Variants in IL16 observed in about 807,000 individuals in gnomAD.
IL16 encodes the protein pro-interleukin-16.
IL16 carries 67 observed loss-of-function variants against 110.1 expected under a neutral mutation model. The observed-to-expected ratio is 0.61, with a 90% confidence interval of 0.50 to 0.75. The LOEUF (loss-of-function observed/expected upper bound fraction) is 0.75. Ranked by LOEUF, IL16 falls within the 30% of genes least tolerant of loss-of-function variation. IL16 has a pLI of 0.00. For missense variants in IL16, 1,545 were observed against 1,655.0 expected (o/e 0.93, Z 1.15); for synonymous variants, 689 against 662.9 (o/e 1.04, Z -0.61).
At chr15:81,200,439 G>A (rs1044232356) in intron 1 of IL16, among the ~76,000 whole-genome samples, 7 of 151,902 alleles carry the variant, frequency 4.6e-5, no homozygotes, top group African/African-American at 9.7e-5. Context: ...GTGCAATCCC[G>A]GCTCACTGCA....
rs890394326 is a variant in IL16, at chr15:81,292,795, G to A, written c.1660G>A (p.Val554Met). ...PSLPLAREPVVLSIASSRLPQ... is the reference protein window; with the variant it reads ...PSLPLAREPVMLSIASSRLPQ... ...CTTGCCTCTGGCACGGGAGCCAGTG[G>A]TGCTTTCTATAGCATCCTCCAGGCT... The change falls in exon 12 of 19, where the codon GTG becomes ATG. Residue 554 changes from valine to methionine, a missense_variant. Around this residue, in one of 3 missense-constraint regions of IL16, gnomAD observed 1,185 missense variants for 1,238.8 expected, o/e 0.96. Transcript: ENST00000683961. 9 of 1,613,980 alleles carry A rather than the reference G, an allele frequency of 5.6e-6. No homozygotes were observed. The highest frequency in any genetic ancestry group is 4.0e-5 in the African/African-American group (3 of 74,910).
At chr15:81,288,447 T>C (rs951404606) in intron 10 of IL16, among the ~76,000 whole-genome samples, 1 of 152,244 alleles carries the variant, frequency 6.6e-6, no homozygotes, top group Non-Finnish European at 1.5e-5. Context: ...TTGTTGTTTA[T>C]TGTGGTAAAA....
chr15:81,284,984 T>C (rs1161832075), intron 9 of IL16, among the ~76,000 whole-genome samples: 1 of 152,188 alleles, frequency 6.6e-6, no homozygotes, highest in African/African-American at 2.4e-5. Flanking sequence ...CAGGGAAATC[T>C]ATTCAACCTC....
intron 2 of IL16, among the ~76,000 whole-genome samples, chr15:81,241,354 C>T (rs7172689): frequency 0.24 from 35,954 of 151,684 alleles, 4,928 homozygotes; most frequent in African/African-American, 0.37. Flanking sequence ...TTTGATACTG[C>T]ATTAAATTTG....
At chr15:81,208,857 C>A (rs1896131578) in intron 1 of IL16, among the ~76,000 whole-genome samples, 1 of 152,142 alleles carries the variant, frequency 6.6e-6, no homozygotes, top group Non-Finnish European at 1.5e-5. Flanking sequence ...GCTGTGTAAT[C>A]CCAGACAATC....
At chr15:81,197,181 CT>C in intron 1 of IL16, 29 bp downstream of exon 1, 1 of 1,281,400 alleles carries the variant, frequency 7.8e-7, no homozygotes, top group South Asian at 1.2e-5. Context: ...GGCAGCTGCT[CT>C]GTCCAGGTGG....
chr15:81,304,408 G>A (rs761918955), intron 16 of IL16, among the ~76,000 whole-genome samples: 2 of 152,186 alleles, frequency 1.3e-5, no homozygotes, highest in African/African-American at 4.8e-5. Context: ...TTCTGTCCAC[G>A]TCATCTGGCC....
intron 1 of IL16, among the ~76,000 whole-genome samples, chr15:81,219,905 A>G (rs973372176): frequency 4.6e-5 from 7 of 152,214 alleles, no homozygotes; most frequent in African/African-American, 1.7e-4. Flanking sequence ...GTCAACCCCC[A>G]TCAAAGCTTT....
chr15:81,238,029 G>T (rs1308493937), intron 2 of IL16, among the ~76,000 whole-genome samples: 1 of 151,938 alleles, frequency 6.6e-6, no homozygotes, highest in African/African-American at 2.4e-5. Context: ...TCAGCCTTCC[G>T]AGTAGCTGGG....
In IL16 at chr15:81,310,625, G is replaced by A. The variant is rs1900801051; in HGVS notation, c.*1827G>A. ...CTTCCCATGACCCAGGCTGGGCAAGGAGGCCACGTGATGTGGAGGGCACAT... is the reference window on the plus strand; with the variant it reads ...CTTCCCATGACCCAGGCTGGGCAAGAAGGCCACGTGATGTGGAGGGCACAT... On this transcript the variant is annotated 3_prime_UTR_variant, in exon 19 of 19. Coordinates refer to ENST00000683961, the MANE Select transcript of IL16 (RefSeq NM_172217.5). 1 of 152,202 alleles carries A rather than the reference G, an allele frequency of 6.6e-6. No individual in the cohort carries two copies. Among genetic ancestry groups the A allele is most frequent in the African/African-American group, 2.4e-5 (1 of 41,440 alleles). The allele number at this position is 152,202 out of a possible 1,614,324, so 9.4% of individuals were successfully genotyped here.
rs751449217 is a variant in IL16, at chr15:81,300,287, C to G, written c.2961C>G (p.Leu987=). The change falls in exon 14 of 19, where the codon CTC becomes CTG. Residue 987 remains leucine, a synonymous_variant. Transcript: ENST00000683961. ...TACTTGACGAAAAGACCAGCAAACT[C>G]TATTCTATCAGCAGCCAAGTGTCAT... ...TKLLDEKTSK[L]YSISSQVSSA... is the part of the protein sequence containing the mutation. 3.1e-6 allele frequency: 5 copies of G among 1,614,114 alleles called. No homozygotes were observed.
chr15:81,200,867 G>T (rs886186021), intron 1 of IL16, among the ~76,000 whole-genome samples: 2 of 151,990 alleles, frequency 1.3e-5, no homozygotes, highest in Non-Finnish European at 2.9e-5. Flanking sequence ...CTTTTTTTCT[G>T]TACTTACCTC....
intron 1 of IL16, among the ~76,000 whole-genome samples, chr15:81,199,586 A>G (rs1336004811): frequency 1.3e-5 from 2 of 152,116 alleles, no homozygotes; most frequent in African/African-American, 2.4e-5. Flanking sequence ...TGCAGCTGGG[A>G]TGGAAATGCT....
In IL16 at chr15:81,259,163, A is replaced by G. The variant is rs551441449; in HGVS notation, c.313-609A>G. Among the ~76,000 whole-genome samples the G allele has an allele frequency of 7.2e-4, 109 of 152,370 alleles. 2 individuals carry two copies. The South Asian group carries it at 0.023, about 32-fold the overall frequency. On this transcript the variant is annotated intron_variant, in intron 2 of 18. Coordinates refer to ENST00000683961, the MANE Select transcript of IL16 (RefSeq NM_172217.5). Reference sequence around the variant, plus strand: ...TAATAAGCAATATAGTAAAATCATAATACCCTTAATAATGCATGGATAGTT... The same window carrying G: ...TAATAAGCAATATAGTAAAATCATAGTACCCTTAATAATGCATGGATAGTT...
At chr15:81,308,128 C>T (rs200014729) in intron 18 of IL16, among the ~76,000 whole-genome samples, 1 of 152,158 alleles carries the variant, frequency 6.6e-6, no homozygotes, top group Admixed American at 6.5e-5. Context: ...CAGAGGACTT[C>T]GTGCCAGAGG....
rs1215891421 is a variant in IL16, at chr15:81,299,576, A to C, written c.2250A>C (p.Thr750=). 1.2e-6 allele frequency: 2 copies of C among 1,614,228 alleles called. No homozygotes were observed. Among genetic ancestry groups the C allele is most frequent in the East Asian group, 4.5e-5 (2 of 44,880 alleles). The change falls in exon 14 of 19, where the codon ACA becomes ACC. Residue 750 remains threonine (T), a synonymous_variant. Coordinates refer to ENST00000683961, the MANE Select transcript of IL16 (RefSeq NM_172217.5). ...PNASLNEEEG[T]QGHPDGTPPK... The stretch of plus-strand genomic sequence containing the variant: ...CCAGCCTGAATGAAGAAGAAGGGAC[A>C]CAGGGCCACCCAGATGGGACCCCAC...
chr15:81,305,914 A>G lies in IL16; in HGVS notation c.3427A>G (p.Arg1143Gly). 6.2e-7 allele frequency: 1 copy of G among 1,614,146 alleles called. No individual in the cohort carries two copies. The highest frequency in any genetic ancestry group is 1.3e-5 in the African/African-American group (1 of 75,056). The change falls in exon 17 of 19, where the codon AGA becomes GGA. Residue 1143 changes from arginine (R) to glycine (G), a missense_variant. Arg to Gly is a moderately radical substitution (Grantham distance 125). Transcript: ENST00000683961. ...CTTCCTTTGGTTTGCTCAGGTTCAC[A>G]GAGTGTTTCCAAATGGGCTGGCCTC... ...DLENKVITVH[R>G]VFPNGLASQE...
At chr15:81,256,038 A>G (rs1356505240) in intron 2 of IL16, among the ~76,000 whole-genome samples, 2 of 152,208 alleles carry the variant, frequency 1.3e-5, no homozygotes, top group Admixed American at 1.3e-4. Context: ...AAAAAATAGT[A>G]TTCATAATCC....
At chr15:81,288,429 T>C (rs1222416354) in intron 10 of IL16, among the ~76,000 whole-genome samples, 3 of 152,220 alleles carry the variant, frequency 2.0e-5, no homozygotes, top group Non-Finnish European at 4.4e-5. Flanking sequence ...CTTTAAATGA[T>C]TTATTTATTG....
Sources: gnomAD v4.1 joint callset for allele counts (sites outside exome capture counted in the v4.1 genomes callset) on GRCh38, gnomAD v4.1.1 for gene constraint, gnomAD v4.1.1 regional missense constraint, MANE v1.5 for transcripts, NCBI Gene and HGNC (gene_info 2026-07-23, HGNC 2026-07-21) for gene names.